FOXP2: variants seen among roughly 807,000 people sequenced by gnomAD.
FOXP2 encodes the protein forkhead box P2.
In FOXP2, 12 loss-of-function variants were observed where a neutral mutation model predicts 115.8. That is an observed-to-expected ratio of 0.10 (90% CI 0.07 to 0.17). The LOEUF is 0.17. FOXP2 is among the 10% of genes least tolerant of loss of function. The pLI is 1.00. For synonymous variants in FOXP2, 328 were observed against 297.7 expected (o/e 1.10, Z -1.05); for missense variants, 629 against 843.5 (o/e 0.75, Z 3.15).
At chr7:114,416,379 A>G (rs1793342559) in intron 1 of FOXP2, 1 of 151,976 alleles carries the variant, frequency 6.6e-6, no homozygotes, top group Non-Finnish European at 1.5e-5. Flanking sequence ...TTCTTACTGC[A>G]ACACCAACAG....
At chr7:114,686,091 T>C (rs1325011088) in intron 16 of FOXP2, among the ~76,000 whole-genome samples, 1 of 152,122 alleles carries the variant, frequency 6.6e-6, no homozygotes, top group Non-Finnish European at 1.5e-5. Context: ...CTTTCATATA[T>C]GTAGTGCCAT....
chr7:114,124,249 A>G (rs2129144210), intron 1 of FOXP2, among the ~76,000 whole-genome samples: 1 of 152,200 alleles, frequency 6.6e-6, no homozygotes, highest in East Asian at 1.9e-4. Context: ...TTACAAGCAT[A>G]ACTAGGATGT....
Position 114,591,846 on chromosome 7 carries a change from A to G in FOXP2, c.259-36694A>G, listed in dbSNP as rs73438589. Among the ~76,000 whole-genome samples the G allele has an allele frequency of 7.0e-3, 1,062 of 152,226 alleles. 9 individuals are homozygous for G. The highest frequency in any genetic ancestry group is 0.024 in the African/African-American group (1,017 of 41,564). On this transcript the variant is annotated intron_variant, in intron 3 of 16. Coordinates refer to ENST00000350908, the MANE Select transcript of FOXP2 (RefSeq NM_014491.4). Reference sequence around the variant, plus strand: ...AGCCTTGTCCAGAGAATGTTCTACAATGATGAGTATATTCTATATCTGTGG... The same window carrying G: ...AGCCTTGTCCAGAGAATGTTCTACAGTGATGAGTATATTCTATATCTGTGG...
At chr7:114,241,349 G>A (rs1293219520) in intron 1 of FOXP2, among the ~76,000 whole-genome samples, 1 of 152,064 alleles carries the variant, frequency 6.6e-6, no homozygotes, top group Non-Finnish European at 1.5e-5. Context: ...GAGGCTATAA[G>A]TTATGAATAA....
At chr7:114,281,321 C>T (rs911557449) in intron 1 of FOXP2, among the ~76,000 whole-genome samples, 10 of 151,924 alleles carry the variant, frequency 6.6e-5, no homozygotes, top group African/African-American at 2.4e-4. Flanking sequence ...AGGCTGATTT[C>T]AAACTCCTGA....
chr7:114,519,694 AATC>A, intron 2 of FOXP2, among the ~76,000 whole-genome samples: 1 of 152,292 alleles, frequency 6.6e-6, no homozygotes, highest in Middle Eastern at 3.4e-3. Flanking sequence ...GTCATTCTGC[AATC>A]ATAAGAAGCC....
At chr7:114,221,860 C>T (rs1794630930) in intron 1 of FOXP2, among the ~76,000 whole-genome samples, 1 of 152,132 alleles carries the variant, frequency 6.6e-6, no homozygotes, top group Admixed American at 6.5e-5. Flanking sequence ...AGATAAATAG[C>T]TGTTTTCAAG....
rs188971606 is a variant in FOXP2, at chr7:114,102,592, T to C, written c.-247+14754T>C. Among the ~76,000 whole-genome samples the C allele has an allele frequency of 5.1e-3, 769 of 149,966 alleles. 10 individuals carry two copies. Among genetic ancestry groups the C allele is most frequent in the Non-Finnish European group, 5.0e-3 (336 of 67,382 alleles). On this transcript the variant is annotated intron_variant, in intron 1 of 19. Transcript: ENST00000635638. ...TGATTTTTATTCAACCATTTAAACA[T>C]GTAAAAAAAAAAAACCCATTCTTAC... is the stretch of plus-strand genomic sequence containing the variant.
intron 1 of FOXP2, among the ~76,000 whole-genome samples, chr7:114,198,598 A>C (rs1467793431): frequency 2.0e-5 from 3 of 152,126 alleles, no homozygotes; most frequent in Non-Finnish European, 4.4e-5. Flanking sequence ...ATCTGACGGG[A>C]GGTGAACCTC....
At chr7:114,439,328 C>T (rs1413329261) in intron 2 of FOXP2, among the ~76,000 whole-genome samples, 1 of 152,066 alleles carries the variant, frequency 6.6e-6, no homozygotes, top group Non-Finnish European at 1.5e-5. Flanking sequence ...GTTAACATAA[C>T]CTTCCTGAGC....
At chr7:114,264,778 C>T (rs914483730) in intron 1 of FOXP2, among the ~76,000 whole-genome samples, 1 of 152,042 alleles carries the variant, frequency 6.6e-6, no homozygotes, top group Non-Finnish European at 1.5e-5. Context: ...CCTCAGGGAG[C>T]TTTTACTCAT....
intron 1 of FOXP2, among the ~76,000 whole-genome samples, chr7:114,256,356 C>T (rs924344731): frequency 1.3e-5 from 2 of 152,192 alleles, no homozygotes; most frequent in African/African-American, 4.8e-5. Context: ...ATCCGCCCAC[C>T]TTGGCCTCCC....
At chr7:114,546,818 C>T (rs938066834) in intron 3 of FOXP2, among the ~76,000 whole-genome samples, 1 of 152,220 alleles carries the variant, frequency 6.6e-6, no homozygotes, top group Non-Finnish European at 1.5e-5. Flanking sequence ...ATCGCAGACT[C>T]TAAATCTTTT....
intron 3 of FOXP2, among the ~76,000 whole-genome samples, chr7:114,610,290 T>A (rs1418075297): frequency 6.6e-6 from 1 of 152,172 alleles, no homozygotes; most frequent in Non-Finnish European, 1.5e-5. Context: ...ACAAAATGAT[T>A]GAGCTTTGAA....
chr7:114,370,087 A>G (rs1393303534), intron 2 of FOXP2, among the ~76,000 whole-genome samples: 1 of 152,196 alleles, frequency 6.6e-6, no homozygotes, highest in East Asian at 1.9e-4. Context: ...TTGGGAAAAA[A>G]ATATGTTGCC....
chr7:114,628,075 C>A (rs2129326721), intron 3 of FOXP2, among the ~76,000 whole-genome samples: 1 of 152,060 alleles, frequency 6.6e-6, no homozygotes, highest in East Asian at 1.9e-4. Context: ...AGTAAGTATA[C>A]TGTATACATG....
intron 3 of FOXP2, among the ~76,000 whole-genome samples, chr7:114,564,525 T>C (rs1800908238): frequency 6.6e-6 from 1 of 152,126 alleles, no homozygotes; most frequent in South Asian, 2.1e-4. Flanking sequence ...ACAGTATCTG[T>C]GACATTGTCA....
chr7:114,403,563 G>A (rs968590012), intron 2 of FOXP2, among the ~76,000 whole-genome samples: 4 of 152,120 alleles, frequency 2.6e-5, no homozygotes, highest in African/African-American at 9.7e-5. Flanking sequence ...ATTTATTGCA[G>A]ACTATCTCAG....
chr7:114,306,731 T>C (rs537926557), intron 2 of FOXP2, among the ~76,000 whole-genome samples: 4 of 152,280 alleles, frequency 2.6e-5, no homozygotes, highest in African/African-American at 9.6e-5. Context: ...AAAGTAAAGG[T>C]GTCAGGAAGA....
Sources: allele counts gnomAD v4.1 joint callset (sites outside exome capture counted in the v4.1 genomes callset), GRCh38; gene constraint gnomAD v4.1.1; transcripts MANE v1.5; gene names NCBI Gene and HGNC (gene_info 2026-07-23, HGNC 2026-07-21).